Variants in CUL4B observed in about 807,000 individuals in gnomAD.
CUL4B encodes cullin-4B.
A neutral mutation model predicts 69.2 loss-of-function variants in CUL4B; 1 was observed. The ratio of observed to expected loss-of-function variants is 0.01; its 90% CI spans 0.01 to 0.07. The LOEUF (loss-of-function observed/expected upper bound fraction) is 0.07. Among genes scored for constraint, CUL4B ranks in the 10% least tolerant of loss-of-function variants. The probability of loss-of-function intolerance (pLI) is 1.00; values close to 1 mark genes in which losing one functional copy is unlikely to be tolerated. For missense variants in CUL4B, 328 were observed against 638.8 expected, an observed-to-expected ratio of 0.51 and a Z score of 5.24; for synonymous variants, 237 against 223.2, an observed-to-expected ratio of 1.06 and a Z score of -0.55.
upstream of CUL4B, chrX:120,561,242 T>G: frequency 2.0e-6 from 1 of 508,410 alleles, no homozygotes; most frequent in Non-Finnish European, 3.5e-6. Context: ...ACGCTCGCGC[T>G]AGTTCGCTCC....
intron 2 of CUL4B, among the ~76,000 whole-genome samples, chrX:120,556,703 G>A (rs1356505021): frequency 1.8e-5 from 2 of 108,183 alleles, no homozygotes; most frequent in Non-Finnish European, 3.8e-5. Context: ...AAACTGAGAG[G>A]GCTTTAGTAC....
intron 16 of CUL4B, 123 bp downstream of exon 16, chrX:120,535,704 CAAA>C (rs71820203): frequency 0.012 from 2,186 of 179,155 alleles, no homozygotes; most frequent in East Asian, 0.021. Context: ...GACTCTGTCT[CAAA>C]AAAAAAAAAA....
intron 2 of CUL4B, among the ~76,000 whole-genome samples, chrX:120,550,908 A>G (rs1924649370): frequency 9.0e-6 from 1 of 111,569 alleles, no homozygotes; most frequent in African/African-American, 3.3e-5. Context: ...CAAAATAAAA[A>G]CATACACAGT....
rs770488115 is a variant in CUL4B at position 120,536,930 on chromosome X, T to C, written c.2043A>G (p.Pro681=). ...TYVPMEVHLP[P]EMVKLQEIFK... is the part of the protein sequence containing the mutation. ...AGTTCTAAACAGTAACTCTTACCTC[T>C]GGTGGTAAATGAACTTCCATAGGCA... The change falls in exon 15 of 20, where the codon CCA becomes CCG. Residue 681 remains proline, a synonymous_variant. Transcript: ENST00000371322. The C allele has an allele frequency of 8.6e-7, 1 of 1,165,534 alleles. No individual in the cohort carries two copies. The highest frequency in any genetic ancestry group is 1.8e-5 in the African/African-American group (1 of 56,946).
intron 2 of CUL4B, among the ~76,000 whole-genome samples, chrX:120,550,383 G>A (rs1269289225): frequency 8.9e-6 from 1 of 111,847 alleles, no homozygotes; most frequent in Non-Finnish European, 1.9e-5. Context: ...AGGGCTTCTA[G>A]TATGAGAAAA....
chrX:120,539,252 A>G lies in CUL4B; in HGVS notation c.1741+16T>C. 1 of 942,666 alleles carries G rather than the reference A, an allele frequency of 1.1e-6. No homozygotes were observed. The highest frequency in any genetic ancestry group is 2.2e-5 in the South Asian group (1 of 44,914). The allele number at this position is 942,666 out of a possible 1,213,427, so 77.7% of individuals were successfully genotyped here. A position where few individuals can be genotyped will look rare whatever the true frequency, so the allele number is the denominator to read the frequency against. Reference sequence around the variant, plus strand: ...TATTTTAAAAGAAAAATATTAAAACATTAGTAAATACTTACCATAGATAAA... The same window carrying G: ...TATTTTAAAAGAAAAATATTAAAACGTTAGTAAATACTTACCATAGATAAA... On this transcript the variant is annotated intron_variant, in intron 12 of 19. Coordinates refer to ENST00000371322, the MANE Select transcript of CUL4B (RefSeq NM_001079872.2).
At chrX:120,531,816 G>A (rs1923338001) in intron 18 of CUL4B, among the ~76,000 whole-genome samples, 1 of 111,195 alleles carries the variant, frequency 9.0e-6, no homozygotes, top group Non-Finnish European at 1.9e-5. Context: ...TTTTCACCAA[G>A]CAAGTTGGCA....
upstream of CUL4B, among the ~76,000 whole-genome samples, chrX:120,564,502 A>G (rs1925434321): frequency 1.8e-5 from 2 of 111,618 alleles, no homozygotes; most frequent in African/African-American, 6.5e-5. Context: ...ACTACTCGGG[A>G]GGATAAGGCA....
intron 2 of CUL4B, among the ~76,000 whole-genome samples, chrX:120,555,828 C>T (rs1924929291): frequency 9.3e-6 from 1 of 107,258 alleles, no homozygotes; most frequent in Non-Finnish European, 1.9e-5. Flanking sequence ...TGTAATTCCA[C>T]CTACTTGGGA....
chrX:120,558,176 C>T (rs765577289), intron 1 of CUL4B, 137 bp from the exon 2 acceptor site: 8 of 449,870 alleles, frequency 1.8e-5, no homozygotes, highest in Admixed American at 1.5e-4. Flanking sequence ...ATTAAAGTAA[C>T]CACTGTATTT....
chrX:120,561,326 C>T (rs866836247), upstream of CUL4B: 5 of 560,504 alleles, frequency 8.9e-6, no homozygotes, highest in African/African-American at 2.3e-5. Context: ...ACTCCCACTC[C>T]CTCCTTAACG....
At chrX:120,543,647 TA>T in intron 8 of CUL4B, 79 bp downstream of exon 8, 1 of 677,326 alleles carries the variant, frequency 1.5e-6, no homozygotes, top group Non-Finnish European at 2.4e-6. Flanking sequence ...AAACAGTTAC[TA>T]ACATGTTTAG....
chrX:120,556,509 C>T (rs750182963), intron 2 of CUL4B, among the ~76,000 whole-genome samples: 1 of 111,251 alleles, frequency 9.0e-6, no homozygotes, highest in African/African-American at 3.3e-5. Context: ...GTAGGGCAAA[C>T]TATTATTTCC....
Position 120,546,593 on chromosome X carries a change from A to G in CUL4B, c.800T>C (p.Phe267Ser), listed in dbSNP as rs778087213. The G allele has an allele frequency of 8.3e-7, 1 of 1,199,970 alleles. No individual in the cohort carries two copies. Among genetic ancestry groups the G allele is most frequent in the South Asian group, 1.8e-5 (1 of 56,570 alleles). The change falls in exon 4 of 20, where the codon TTT becomes TCT. Residue 267 changes from phenylalanine to serine, a missense_variant. Physicochemically the swap from Phe to Ser is radical, Grantham distance 155 (BLOSUM62 -2). Around this residue, in one of 4 missense-constraint regions of CUL4B, gnomAD observed 126 missense variants for 202.5 expected, o/e 0.62. Coordinates refer to ENST00000371322, the MANE Select transcript of CUL4B (RefSeq NM_001079872.2). The part of the protein sequence containing the change: ...FREDSLDSVL[F>S]LKKIDRCWQN... ...CCAGCATCTATCAATCTTCTTTAAA[A>G]AAAGAACGCTATCCAATGAATCCCT...
chrX:120,553,403 C>T (rs1454590266), intron 2 of CUL4B, among the ~76,000 whole-genome samples: 2 of 111,572 alleles, frequency 1.8e-5, no homozygotes, highest in African/African-American at 3.3e-5. Flanking sequence ...ATAAATGAAT[C>T]GTTAATAGAA....
At chrX:120,567,484 G>GT (rs748972529), downstream of CUL4B, among the ~76,000 whole-genome samples, 8 of 109,363 alleles carry the variant, frequency 7.3e-5, no homozygotes, top group African/African-American at 1.7e-4. Flanking sequence ...TGACCTAGGA[G>GT]TTTTTTTTGT....
chrX:120,535,008 C>G lies in CUL4B; in HGVS notation c.2161-422G>C, dbSNP rs186992623. 1.2e-3 allele frequency among the ~76,000 whole-genome samples: 132 copies of G among 111,856 alleles called. 1 individual carries two copies. Among genetic ancestry groups the G allele is most frequent in the African/African-American group, 4.2e-3 (130 of 30,784 alleles). On this transcript the variant is annotated intron_variant, in intron 16 of 19. Coordinates refer to ENST00000371322, the MANE Select transcript of CUL4B (RefSeq NM_001079872.2). Reference sequence around the variant, plus strand: ...CCCTTAACTCCCACTCTATTCGTAGCTCCCAGCAACAAGATTTCTGTCAAG... The same window carrying G: ...CCCTTAACTCCCACTCTATTCGTAGGTCCCAGCAACAAGATTTCTGTCAAG...
chrX:120,542,488 G>T (rs184399717), intron 9 of CUL4B, among the ~76,000 whole-genome samples: 1 of 111,886 alleles, frequency 8.9e-6, no homozygotes, highest in Non-Finnish European at 1.9e-5. Context: ...ATTCACTTGG[G>T]ATTAGAAGTG....
At chrX:120,555,259 G>T (rs1245116880) in intron 2 of CUL4B, among the ~76,000 whole-genome samples, 1 of 111,351 alleles carries the variant, frequency 9.0e-6, no homozygotes, top group Non-Finnish European at 1.9e-5. Flanking sequence ...AAATATTCAA[G>T]GTAAAGTAAA....
Sources: gnomAD v4.1 joint callset for allele counts (sites outside exome capture counted in the v4.1 genomes callset) on GRCh38, gnomAD v4.1.1 for gene constraint, gnomAD v4.1.1 regional missense constraint, MANE v1.5 for transcripts, NCBI Gene and HGNC (gene_info 2026-07-23, HGNC 2026-07-21) for gene names.